PHACTR3: variants seen among roughly 807,000 people sequenced by gnomAD.
The protein encoded by PHACTR3 is protein phosphatase 1, regulatory subunit 123.
Under a neutral mutation model 66.8 loss-of-function variants are expected in PHACTR3, and 16 were observed. That is an observed-to-expected ratio of 0.24 (90% CI 0.16 to 0.36). The LOEUF is 0.36. PHACTR3 is among the 10% of genes least tolerant of loss of function. PHACTR3 has a pLI of 1.00. For synonymous variants in PHACTR3, 323 were observed against 292.1 expected (o/e 1.11, Z -1.08); for missense variants, 647 against 719.9 (o/e 0.90, Z 1.16).
intron 1 of PHACTR3, among the ~76,000 whole-genome samples, chr20:59,717,384 A>C (rs2038129865): frequency 6.6e-6 from 1 of 152,248 alleles, no homozygotes; most frequent in Admixed American, 6.5e-5. Context: ...ACTAGAATAT[A>C]CACACCTAAT....
chr20:59,679,763 T>A (rs1196067172), intron 1 of PHACTR3, among the ~76,000 whole-genome samples: 11 of 152,136 alleles, frequency 7.2e-5, no homozygotes, highest in Admixed American at 7.2e-4. Flanking sequence ...GAGGACCAAG[T>A]GAAAGGGGTT....
In PHACTR3 at chr20:59,647,017, G is replaced by A. The variant is rs371323356; in HGVS notation, c.118+41885G>A. Among the ~76,000 whole-genome samples, 55 of 152,260 alleles carry A rather than the reference G, an allele frequency of 3.6e-4. 1 individual carries two copies. The South Asian group carries it at 0.011, about 31-fold the overall frequency. On this transcript the variant is annotated intron_variant, in intron 1 of 12. Transcript: ENST00000371015. ...GATTTTAAACATGGTGGTTGCAGTC[G>A]GGCAGATCAGCTTGGCAAAGATTTG...
intron 1 of PHACTR3, among the ~76,000 whole-genome samples, chr20:59,725,182 A>C (rs2038515583): frequency 6.7e-6 from 1 of 149,364 alleles, no homozygotes; most frequent in African/African-American, 2.5e-5. Flanking sequence ...TAAGGCTGTG[A>C]ACCCAGGTGT....
At chr20:59,722,959 T>C (rs1179001100) in intron 1 of PHACTR3, among the ~76,000 whole-genome samples, 3 of 152,098 alleles carry the variant, frequency 2.0e-5, no homozygotes, top group Non-Finnish European at 2.9e-5. Context: ...CTCAACCAGC[T>C]CAGCCTATGG....
At chr20:59,724,172 T>C (rs2038465137) in intron 1 of PHACTR3, among the ~76,000 whole-genome samples, 1 of 152,118 alleles carries the variant, frequency 6.6e-6, no homozygotes, top group Non-Finnish European at 1.5e-5. Flanking sequence ...AGAGCAGGGC[T>C]TCTCTCATTC....
Position 59,815,719 on chromosome 20 carries a change from G to T in PHACTR3, c.1328+9525G>T, listed in dbSNP as rs113370657. ...ATTGCAGGCGTAAGCCACCACGCCT[G>T]GCTTGGGTTTCCTGTTTTATAGTGA... On this transcript the variant is annotated intron_variant, in intron 8 of 12. Transcript: ENST00000371015. 7.7e-3 allele frequency among the ~76,000 whole-genome samples: 1,166 copies of T among 152,260 alleles called. 18 individuals carry two copies. The highest frequency in any genetic ancestry group is 0.027 in the African/African-American group (1,107 of 41,532).
intron 1 of PHACTR3, among the ~76,000 whole-genome samples, chr20:59,741,311 G>T (rs750316205): frequency 1.3e-5 from 2 of 152,214 alleles, no homozygotes; most frequent in African/African-American, 4.8e-5. Context: ...GTGTATGTTC[G>T]CAGGGCGAGG....
chr20:59,819,536 TAAAAAAAAA>T, intron 8 of PHACTR3, among the ~76,000 whole-genome samples: 1 of 131,506 alleles, frequency 7.6e-6, no homozygotes, highest in East Asian at 2.2e-4. Flanking sequence ...ACCCTGTCGT[TAAAAAAAAA>T]AAAAAAAAGA....
chr20:59,638,642 G>A (rs1302957048), intron 1 of PHACTR3, among the ~76,000 whole-genome samples: 1 of 150,088 alleles, frequency 6.7e-6, no homozygotes, highest in Non-Finnish European at 1.5e-5. Flanking sequence ...TGGGTGGATG[G>A]GTGGGTGAAT....
At chr20:59,710,666 T>C (rs1266198975) in intron 1 of PHACTR3, among the ~76,000 whole-genome samples, 9 of 152,174 alleles carry the variant, frequency 5.9e-5, no homozygotes, top group Non-Finnish European at 1.5e-5. Flanking sequence ...ACTCCCTAAA[T>C]TCCAACTGCA....
chr20:59,826,293 G>C (rs1775417341), intron 8 of PHACTR3, among the ~76,000 whole-genome samples: 1 of 152,158 alleles, frequency 6.6e-6, no homozygotes, highest in Non-Finnish European at 1.5e-5. Flanking sequence ...ACAGGCTCGG[G>C]CCTCTGGGTC....
chr20:59,692,006 A>G (rs2037124706), intron 1 of PHACTR3, among the ~76,000 whole-genome samples: 1 of 152,240 alleles, frequency 6.6e-6, no homozygotes, highest in Non-Finnish European at 1.5e-5. Context: ...TGTTGCTTTT[A>G]GAAGAAAGGA....
intron 12 of PHACTR3, among the ~76,000 whole-genome samples, chr20:59,845,890 G>A (rs1330843171): frequency 6.6e-6 from 1 of 152,158 alleles, no homozygotes; most frequent in Non-Finnish European, 1.5e-5. Flanking sequence ...TCTATGCTAT[G>A]ATATGCAAGG....
chr20:59,841,357 G>A (rs759059647), intron 10 of PHACTR3, 38 bp from the exon 11 acceptor site: 5 of 1,583,642 alleles, frequency 3.2e-6, no homozygotes, highest in Non-Finnish European at 4.3e-6. Flanking sequence ...AAGCTAGTTT[G>A]GCATGTGATA....
chr20:59,595,950 A>G (rs1243625255), intron 1 of PHACTR3, among the ~76,000 whole-genome samples: 1 of 152,168 alleles, frequency 6.6e-6, no homozygotes, highest in Non-Finnish European at 1.5e-5. Context: ...TGCACATACC[A>G]TAAACGTTCA....
chr20:59,822,910 T>G (rs890832913), intron 8 of PHACTR3, among the ~76,000 whole-genome samples: 4 of 151,650 alleles, frequency 2.6e-5, no homozygotes, highest in African/African-American at 9.7e-5. Context: ...TGCATGGGAG[T>G]GACCCTGGAA....
chr20:59,582,318 T>C (rs867276797), intron 1 of PHACTR3, among the ~76,000 whole-genome samples: 2 of 152,236 alleles, frequency 1.3e-5, no homozygotes, highest in African/African-American at 4.8e-5. Flanking sequence ...CTTTAGAATA[T>C]TCCATGGCTG....
Position 59,829,107 on chromosome 20 carries a change from G to A in PHACTR3, c.1329-7398G>A, listed in dbSNP as rs1022029292. ...CCCCTGAGCCCAGGATGCTGGGCAC[G>A]GAGCAGGTGTGAGGAGGTGGGGAAC... On this transcript the variant is annotated intron_variant, in intron 8 of 12. Coordinates refer to ENST00000371015, the MANE Select transcript of PHACTR3 (RefSeq NM_080672.5). This position sits in a 1 kb window ranked among gnomAD's most constrained non-coding sequence, Gnocchi z 4.2. 3.3e-5 allele frequency among the ~76,000 whole-genome samples: 5 copies of A among 152,066 alleles called. No homozygotes were observed. The highest frequency in any genetic ancestry group is 9.7e-5 in the African/African-American group (4 of 41,396).
chr20:59,816,373 A>C (rs2041888232), intron 8 of PHACTR3, among the ~76,000 whole-genome samples: 1 of 152,154 alleles, frequency 6.6e-6, no homozygotes, highest in Non-Finnish European at 1.5e-5. Flanking sequence ...CCTGTTCTAG[A>C]GCAGTCTGCA....
Sources: allele counts gnomAD v4.1 joint callset (sites outside exome capture counted in the v4.1 genomes callset), GRCh38; gene constraint gnomAD v4.1.1; non-coding constraint Gnocchi (gnomAD v3.1); transcripts MANE v1.5; gene names NCBI Gene and HGNC (gene_info 2026-07-23, HGNC 2026-07-21).